The following GAREM1 variants were observed in gnomAD, a reference collection of about 807,000 sequenced individuals.
GAREM1 encodes the protein GRB2 associated regulator of MAPK1 subtype 1, also known as GRB2-associated and regulator of MAPK protein 1.
GAREM1 carries 26 observed loss-of-function variants against 71.3 expected under a neutral mutation model. That is an observed-to-expected ratio of 0.36 (90% CI 0.27 to 0.51). The LOEUF (loss-of-function observed/expected upper bound fraction) is 0.51, where lower values mean the gene tolerates loss of function less well. Ranked by LOEUF, GAREM1 falls within the 20% of genes least tolerant of loss-of-function variation. The probability of loss-of-function intolerance (pLI) is 0.95; values close to 1 mark genes in which losing one functional copy is unlikely to be tolerated. For missense variants in GAREM1, 1,026 were observed against 1,103.1 expected, an observed-to-expected ratio of 0.93 and a Z score of 0.99; for synonymous variants, 440 against 433.2, an observed-to-expected ratio of 1.02 and a Z score of -0.20.
rs572127361 is a variant in GAREM1, at chr18:32,470,265, G to T, written c.121+43C>A. Reference sequence around the variant, plus strand: ...CACGCGCGCACACCCGCGTGGAGACGGCTGTCCTCGCCCGTCTGCCCCGCG... The same window carrying T: ...CACGCGCGCACACCCGCGTGGAGACTGCTGTCCTCGCCCGTCTGCCCCGCG... On this transcript the variant is annotated intron_variant, in intron 1 of 5. Coordinates refer to ENST00000269209, the MANE Select transcript of GAREM1 (RefSeq NM_001242409.2). The surrounding 1 kb of genome is among the most constrained non-coding windows in gnomAD (Gnocchi z 4.4). 6.2e-6 allele frequency: 9 copies of T among 1,453,578 alleles called. No individual in the cohort carries two copies. The East Asian group carries it at 2.4e-4, about 38-fold the overall frequency. 90.0% of individuals were successfully genotyped at this position (1,453,578 alleles called of 1,614,324 possible).
intron 2 of GAREM1, among the ~76,000 whole-genome samples, chr18:32,366,908 A>C (rs2047933131): frequency 6.6e-6 from 1 of 152,122 alleles, no homozygotes; most frequent in Non-Finnish European, 1.5e-5. Context: ...AGCTTGAAAA[A>C]CCAAGTATCA....
At chr18:32,327,238 G>C (rs1190413210) in intron 2 of GAREM1, among the ~76,000 whole-genome samples, 1 of 152,140 alleles carries the variant, frequency 6.6e-6, no homozygotes, top group Non-Finnish European at 1.5e-5. Context: ...GCTACTTTCA[G>C]AATTTATTAA....
At chr18:32,434,084 A>G (rs2048651847) in intron 1 of GAREM1, among the ~76,000 whole-genome samples, 1 of 152,190 alleles carries the variant, frequency 6.6e-6, no homozygotes, top group African/African-American at 2.4e-5. Context: ...ACAGATCAAC[A>G]CAACAGAATA....
chr18:32,267,958 T>G lies in GAREM1; in HGVS notation c.2544A>C (p.Glu848Asp). The change falls in exon 6 of 6, where the codon GAA (glutamate) becomes GAC (aspartate). Residue 848 changes from glutamate (E) to aspartate (D), a missense_variant. This residue lies in a region of GAREM1 where 636 missense variants were observed against 631.2 expected (regional missense o/e 1.01). Transcript: ENST00000269209. ...ATTTGAAATCCTCTGAGAGGATTTC[T>G]TCCGTTAGCTGAACAAGCAGGTTCC... The part of the protein sequence containing the change: ...IDGNLLVQLT[E>D]EILSEDFKLS... The G allele has an allele frequency of 6.2e-7, 1 of 1,613,578 alleles. No homozygotes were observed.
chr18:32,388,849 A>G (rs1252448530), intron 2 of GAREM1, among the ~76,000 whole-genome samples: 1 of 152,198 alleles, frequency 6.6e-6, no homozygotes, highest in African/African-American at 2.4e-5. Flanking sequence ...GCAGCAAGGC[A>G]TTATTGGGAC....
At chr18:32,312,013 ACT>A (rs1296119426) in intron 2 of GAREM1, among the ~76,000 whole-genome samples, 15 of 152,178 alleles carry the variant, frequency 9.9e-5, no homozygotes, top group Admixed American at 4.6e-4. Flanking sequence ...GGCCTGAACA[ACT>A]CTGAACAGAG....
At chr18:32,451,629 G>A (rs991036195) in intron 1 of GAREM1, among the ~76,000 whole-genome samples, 1 of 152,008 alleles carries the variant, frequency 6.6e-6, no homozygotes, top group Admixed American at 6.6e-5. Flanking sequence ...TTGCCTAGAG[G>A]CCCTCTTTCT....
chr18:32,454,640 G>T (rs2048870671), intron 1 of GAREM1, among the ~76,000 whole-genome samples: 1 of 152,082 alleles, frequency 6.6e-6, no homozygotes, highest in Admixed American at 6.6e-5. Flanking sequence ...CATATTCTGG[G>T]TCTCTTCCAG....
At chr18:32,374,177 T>C (rs575356036) in intron 2 of GAREM1, among the ~76,000 whole-genome samples, 82 of 152,320 alleles carry the variant, frequency 5.4e-4, no homozygotes, top group Non-Finnish European at 9.0e-4. Flanking sequence ...CAAGTAGATA[T>C]TAGAAAAGTG....
At chr18:32,336,305 C>T (rs1234442457) in intron 2 of GAREM1, among the ~76,000 whole-genome samples, 1 of 151,920 alleles carries the variant, frequency 6.6e-6, no homozygotes, top group Non-Finnish European at 1.5e-5. Flanking sequence ...TGGTGGGTGC[C>T]TGTGGTCCCA....
chr18:32,299,162 A>G (rs1322828723), intron 3 of GAREM1, among the ~76,000 whole-genome samples: 2 of 152,132 alleles, frequency 1.3e-5, no homozygotes, highest in Admixed American at 6.6e-5. Context: ...CTCGAAAATA[A>G]ATGACATCTG....
intron 1 of GAREM1, among the ~76,000 whole-genome samples, chr18:32,403,671 G>C (rs1174340884): frequency 2.0e-5 from 3 of 151,522 alleles, no homozygotes; most frequent in African/African-American, 7.3e-5. Context: ...AACCTCCCAG[G>C]CTCAAGTGAT....
At chr18:32,364,006 ATATATATATATATATATATATGT>A (rs1425035309) in intron 2 of GAREM1, among the ~76,000 whole-genome samples, 3 of 41,950 alleles carry the variant, frequency 7.2e-5, no homozygotes, top group African/African-American at 4.3e-4. Flanking sequence ...ATATATATAT[ATATATATATATATATATATATGT>A]TTTTTTTTTT....
At chr18:32,431,013 T>A (rs1181063049) in intron 1 of GAREM1, among the ~76,000 whole-genome samples, 2 of 151,684 alleles carry the variant, frequency 1.3e-5, no homozygotes, top group African/African-American at 4.8e-5. Context: ...TGAGTATGAA[T>A]CCCTTTGTAG....
At chr18:32,275,836 G>A (rs776406304) in intron 4 of GAREM1, among the ~76,000 whole-genome samples, 24 of 152,056 alleles carry the variant, frequency 1.6e-4, no homozygotes, top group Non-Finnish European at 2.6e-4. Flanking sequence ...GTACCACCAC[G>A]CCTGGCTAAT....
rs906810648 is a variant in GAREM1, at chr18:32,313,949, T to C, written c.263-3626A>G. 5.3e-5 allele frequency among the ~76,000 whole-genome samples: 8 copies of C among 152,112 alleles called. No individual in the cohort carries two copies. The South Asian group carries it at 1.7e-3, about 32-fold the overall frequency. ...GGAGGAGTTTTCAGGAGTTAAGAGG[T>C]AGGTGATAAGGACAATACAGAGGAT... On this transcript the variant is annotated intron_variant, in intron 2 of 5. Coordinates refer to ENST00000269209, the MANE Select transcript of GAREM1 (RefSeq NM_001242409.2).
At chr18:32,272,634 T>C (rs1300063449) in intron 4 of GAREM1, among the ~76,000 whole-genome samples, 1 of 152,060 alleles carries the variant, frequency 6.6e-6, no homozygotes, top group Non-Finnish European at 1.5e-5. Flanking sequence ...GGTCTTTTTT[T>C]TTTTTGGAGA....
chr18:32,301,568 C>G (rs1034068506), intron 3 of GAREM1, among the ~76,000 whole-genome samples: 1 of 152,156 alleles, frequency 6.6e-6, no homozygotes, highest in East Asian at 1.9e-4. Flanking sequence ...AGAGCTAATG[C>G]GAACCAACCA....
At chr18:32,299,242 C>T (rs1272494824) in intron 3 of GAREM1, among the ~76,000 whole-genome samples, 3 of 152,024 alleles carry the variant, frequency 2.0e-5, no homozygotes, top group South Asian at 4.2e-4. Flanking sequence ...TAGCCAGGAG[C>T]GGTGGCTCAT....
Sources: gnomAD v4.1 joint callset for allele counts (sites outside exome capture counted in the v4.1 genomes callset) on GRCh38, gnomAD v4.1.1 for gene constraint, gnomAD v4.1.1 regional missense constraint, Gnocchi (gnomAD v3.1) non-coding constraint, MANE v1.5 for transcripts, NCBI Gene and HGNC (gene_info 2026-07-23, HGNC 2026-07-21) for gene names.